PDE1A: variants seen among roughly 807,000 people sequenced by gnomAD.
The protein encoded by PDE1A is dual specificity calcium/calmodulin-dependent 3',5'-cyclic nucleotide phosphodiesterase 1A.
A neutral mutation model predicts 61.7 loss-of-function variants in PDE1A; 35 were observed. The ratio of observed to expected loss-of-function variants is 0.57; its 90% confidence interval spans 0.43 to 0.75. The LOEUF (loss-of-function observed/expected upper bound fraction) is 0.75, where lower values mean the gene tolerates loss of function less well. PDE1A is among the 30% of genes least tolerant of loss of function. The probability of loss-of-function intolerance (pLI) is 0.00; values close to 1 mark genes in which losing one functional copy is unlikely to be tolerated. For missense variants in PDE1A, 597 were observed against 630.6 expected (o/e 0.95, Z 0.57); for synonymous variants, 232 against 213.2 (o/e 1.09, Z -0.77).
intron 2 of PDE1A, among the ~76,000 whole-genome samples, chr2:182,446,845 T>G (rs1685169646): frequency 6.6e-6 from 1 of 151,928 alleles, no homozygotes; most frequent in African/African-American, 2.4e-5. Context: ...CCCAGAAAAT[T>G]TTTTAAAATA....
chr2:182,410,129 A>C (rs1359983317), intron 1 of PDE1A, among the ~76,000 whole-genome samples: 1 of 152,170 alleles, frequency 6.6e-6, no homozygotes, highest in Non-Finnish European at 1.5e-5. Flanking sequence ...AGGCGAGAGG[A>C]TCACTTAAGC....
chr2:182,601,690 T>C, the PDE1A span, among the ~76,000 whole-genome samples: 1 of 152,152 alleles, frequency 6.6e-6, no homozygotes, highest in Non-Finnish European at 1.5e-5. Flanking sequence ...CCAACGAGTG[T>C]TCAGCCTTCA....
At chr2:182,335,405 A>T (rs905786417) in intron 1 of PDE1A, among the ~76,000 whole-genome samples, 1 of 152,138 alleles carries the variant, frequency 6.6e-6, no homozygotes, top group African/African-American at 2.4e-5. Flanking sequence ...CATGGTACTG[A>T]TACCAAAACA....
At chr2:182,562,588 T>C in the PDE1A span, among the ~76,000 whole-genome samples, 2 of 152,132 alleles carry the variant, frequency 1.3e-5, no homozygotes, top group African/African-American at 4.8e-5. Context: ...TTAGCGAGGA[T>C]TCCCTCTTTT....
the PDE1A span, among the ~76,000 whole-genome samples, chr2:182,713,536 CAGG>C: frequency 6.6e-6 from 1 of 152,162 alleles, no homozygotes; most frequent in Non-Finnish European, 1.5e-5. Flanking sequence ...GAGGCTGAGA[CAGG>C]AGAATTGCTT....
At chr2:182,516,635 T>C (rs1559533819) in intron 2 of PDE1A, among the ~76,000 whole-genome samples, 1 of 133,134 alleles carries the variant, frequency 7.5e-6, no homozygotes, top group Non-Finnish European at 1.5e-5. Flanking sequence ...TGAGATCCTA[T>C]CTGAAAAAGA....
At chr2:182,678,752 T>A in the PDE1A span, among the ~76,000 whole-genome samples, 70 of 152,172 alleles carry the variant, frequency 4.6e-4, no homozygotes, top group African/African-American at 1.7e-3. Context: ...AAAAAGTTGA[T>A]CTCATACAAG....
At chr2:182,418,991 A>AATGTTT (rs1703097270) in intron 1 of PDE1A, among the ~76,000 whole-genome samples, 1 of 152,178 alleles carries the variant, frequency 6.6e-6, no homozygotes, top group Non-Finnish European at 1.5e-5. Flanking sequence ...AATCGCTGAT[A>AATGTTT]CAATTGTCTT....
At chr2:182,650,937 T>C in the PDE1A span, among the ~76,000 whole-genome samples, 5 of 152,222 alleles carry the variant, frequency 3.3e-5, no homozygotes, top group Admixed American at 6.5e-5. Flanking sequence ...AAAGGCTTCT[T>C]GAAAAACAAT....
the PDE1A span, among the ~76,000 whole-genome samples, chr2:182,647,524 T>A: frequency 6.6e-6 from 1 of 152,196 alleles, no homozygotes; most frequent in East Asian, 1.9e-4. Context: ...TGAGGTAGTC[T>A]ATTAAGAGTT....
chr2:182,223,147 G>GC (rs1269008331), intron 7 of PDE1A, among the ~76,000 whole-genome samples: 10 of 152,124 alleles, frequency 6.6e-5, no homozygotes, highest in Admixed American at 1.3e-4. Context: ...ACACTGGGGT[G>GC]CATGTGCTCA....
the PDE1A span, among the ~76,000 whole-genome samples, chr2:182,569,506 A>C: frequency 3.2e-4 from 49 of 152,096 alleles, no homozygotes; most frequent in African/African-American, 1.1e-3. Context: ...TTGGGCGTCA[A>C]GCAGTAGGAT....
At chr2:182,165,207 T>C (rs1691593246), downstream of PDE1A, among the ~76,000 whole-genome samples, 1 of 152,128 alleles carries the variant, frequency 6.6e-6, no homozygotes, top group Non-Finnish European at 1.5e-5. Context: ...CTACTTATCA[T>C]CACCTCTAGT....
chr2:182,416,495 T>C (rs1405352179), intron 1 of PDE1A, among the ~76,000 whole-genome samples: 1 of 152,188 alleles, frequency 6.6e-6, no homozygotes, highest in Non-Finnish European at 1.5e-5. Context: ...ACTCACATCA[T>C]CACAGTTATG....
At chr2:182,618,628 C>A in the PDE1A span, among the ~76,000 whole-genome samples, 1 of 152,082 alleles carries the variant, frequency 6.6e-6, no homozygotes, top group African/African-American at 2.4e-5. Flanking sequence ...TGACAGTTTT[C>A]TCTGCATACT....
chr2:182,272,701 C>A (rs1693118798), intron 1 of PDE1A, among the ~76,000 whole-genome samples: 1 of 151,938 alleles, frequency 6.6e-6, no homozygotes, highest in Non-Finnish European at 1.5e-5. Context: ...TGAGAGAAAC[C>A]TGTAAGGGAA....
chr2:182,292,128 TAA>T (rs1389886360), intron 1 of PDE1A, among the ~76,000 whole-genome samples: 3 of 152,144 alleles, frequency 2.0e-5, no homozygotes, highest in Middle Eastern at 3.2e-3. Context: ...AATATTCATA[TAA>T]TTGGATATGC....
chr2:182,194,063 G>T (rs1022081794), intron 10 of PDE1A, among the ~76,000 whole-genome samples: 1 of 152,040 alleles, frequency 6.6e-6, no homozygotes, highest in African/African-American at 2.4e-5. Flanking sequence ...TAAACATTTT[G>T]ACCTTTCCTT....
rs1162698911 is a variant in PDE1A, at chr2:182,208,582, G to A, written c.777-2517C>T. Among the ~76,000 whole-genome samples, 8 of 152,082 alleles carry A rather than the reference G, an allele frequency of 5.3e-5. No individual in the cohort carries two copies. In the East Asian group the frequency reaches 5.8e-4, roughly 11 times the overall value. ...CAGACTCCAGAATGGTAAATCTACC[G>A]ACAGCTTGCACTGTGCACATGGAAA... is the stretch of plus-strand genomic sequence containing the variant. On this transcript the variant is annotated intron_variant, in intron 7 of 13. Transcript: ENST00000351439.
Sources: allele counts gnomAD v4.1 joint callset (sites outside exome capture counted in the v4.1 genomes callset), GRCh38; gene constraint gnomAD v4.1.1; transcripts MANE v1.5; gene names NCBI Gene and HGNC (gene_info 2026-07-23, HGNC 2026-07-21).